The following KREMEN2 variants were observed in gnomAD, a reference collection of about 807,000 sequenced individuals.
KREMEN2 encodes the protein kringle containing transmembrane protein 2.
KREMEN2 carries 43 observed loss-of-function variants against 49.8 expected under a neutral mutation model. The ratio of observed to expected loss-of-function variants is 0.86; its 90% CI spans 0.68 to 1.11. The LOEUF is 1.11. KREMEN2 is among the 50% of genes most tolerant of loss of function. The pLI, the probability that KREMEN2 is intolerant of heterozygous loss-of-function variation, is 0.00. For missense variants in KREMEN2, 686 were observed against 665.7 expected, an observed-to-expected ratio of 1.03 and a Z score of -0.34; for synonymous variants, 355 against 304.9, an observed-to-expected ratio of 1.16 and a Z score of -1.71.
Position 2,967,343 on chromosome 16 carries a change from C to A in KREMEN2, c.997C>A (p.Pro333Thr), listed in dbSNP as rs1030925855. The A allele has an allele frequency of 7.1e-6, 10 of 1,407,822 alleles. No homozygotes were observed. Among genetic ancestry groups the A allele is most frequent in the African/African-American group, 1.5e-5 (1 of 65,848 alleles). 87.2% of individuals were successfully genotyped at this position (1,407,822 alleles called of 1,614,324 possible). A position where few individuals can be genotyped will look rare whatever the true frequency, so the allele number is the denominator to read the frequency against. The change falls in exon 7 of 9, where the codon CCA becomes ACA. Residue 333 changes from proline (P) to threonine (T), a missense_variant. Pro to Thr is a conservative substitution (Grantham distance 38). Coordinates refer to ENST00000303746, the MANE Select transcript of KREMEN2 (RefSeq NM_172229.3). ...AGGGCTGCAGGACGCCGCTGAGGACCCAGAGGCCCCCGAGGGCTCGGCCCA... is the reference window on the plus strand; with the variant it reads ...AGGGCTGCAGGACGCCGCTGAGGACACAGAGGCCCCCGAGGGCTCGGCCCA... ...YRGLQDAAED[P>T]EAPEGSAQTP...
chr16:2,968,146 C>T lies in KREMEN2; in HGVS notation c.*126C>T. The T allele has an allele frequency of 9.2e-7, 1 of 1,090,208 alleles. No homozygotes were observed. The highest frequency in any genetic ancestry group is 1.3e-6 in the Non-Finnish European group (1 of 747,312). 67.5% of individuals were successfully genotyped at this position (1,090,208 alleles called of 1,614,324 possible). ...TCGGCCTCTGGTCGCCTTGGGGAGA[C>T]CAAAAGTCGGACAGGAAACATCTGG... On this transcript the variant is annotated 3_prime_UTR_variant, in exon 9 of 9. Transcript: ENST00000303746.
Position 2,967,998 on chromosome 16 carries a change from G to A in KREMEN2, c.1367G>A (p.Arg456His), listed in dbSNP as rs1225382987. 2 of 1,569,718 alleles carry A rather than the reference G, an allele frequency of 1.3e-6. No individual in the cohort carries two copies. Among genetic ancestry groups the A allele is most frequent in the Non-Finnish European group, 1.7e-6 (2 of 1,164,086 alleles). The change falls in exon 9 of 9, where the codon CGC becomes CAC. Residue 456 changes from arginine to histidine, a missense_variant. Physicochemically the swap from Arg to His is conservative, Grantham distance 29. Coordinates refer to ENST00000303746, the MANE Select transcript of KREMEN2 (RefSeq NM_172229.3). ...PLSASSQSSL[R>H]SLISAL ...AGTGCCTCCAGCCAGAGCTCCCTGCGCTCGCTCATCTCCGCTCTCTGACTC... is the reference window on the plus strand; with the variant it reads ...AGTGCCTCCAGCCAGAGCTCCCTGCACTCGCTCATCTCCGCTCTCTGACTC...
In KREMEN2 at chr16:2,967,105, C is replaced by A; in HGVS notation, c.836C>A (p.Ser279Ter). 1.4e-6 allele frequency: 2 copies of A among 1,470,026 alleles called. No individual in the cohort carries two copies. The highest frequency in any genetic ancestry group is 1.3e-5 in the South Asian group (1 of 75,646). The allele number at this position is 1,470,026 out of a possible 1,614,324, so 91.1% of individuals were successfully genotyped here. The change falls in exon 6 of 9, where the codon TCG (serine) becomes TAG (stop). Residue 279 changes from serine to a stop codon, truncating the protein, a stop_gained. Coordinates refer to ENST00000303746, the MANE Select transcript of KREMEN2 (RefSeq NM_172229.3). LOFTEE classifies it high-confidence loss of function. ...RDRLELRDAA[S>*]GSLLRAFDGA... ...CGGCTGGAGCTGCGCGACGCGGCTT[C>A]GGGCAGCCTGCTCCGCGCCTTCGAT...
rs992339098 is a variant in KREMEN2, at chr16:2,968,039, C to G, written c.*19C>G. ...TCTCTGACTCTGGGCCCCGAGGGTC[C>G]GCTGGGCCCGCCGCCGGCGAGATGG... On this transcript the variant is annotated 3_prime_UTR_variant, in exon 9 of 9. Transcript: ENST00000303746. 6 of 1,535,896 alleles carry G rather than the reference C, an allele frequency of 3.9e-6. No homozygotes were observed. In the African/African-American group the frequency reaches 8.2e-5, roughly 21 times the overall value.
chr16:2,967,953 C>A lies in KREMEN2; in HGVS notation c.1322C>A (p.Ala441Asp). The change falls in exon 9 of 9, where the codon GCC becomes GAC. Residue 441 changes from alanine (A) to aspartate (D), a missense_variant. Physicochemically the swap from Ala to Asp is moderately radical, Grantham distance 126. Coordinates refer to ENST00000303746, the MANE Select transcript of KREMEN2 (RefSeq NM_172229.3). ...SPGDPQAEGS[A>D]AGYRPLSASS... is the part of the protein sequence containing the mutation. ...GGGGACCCCCAGGCTGAGGGTTCTG[C>A]CGCGGGCTACCGGCCTCTGAGTGCC... The A allele has an allele frequency of 6.3e-6, 10 of 1,584,900 alleles. No homozygotes were observed. The highest frequency in any genetic ancestry group is 8.6e-6 in the Non-Finnish European group (10 of 1,168,838).
rs2071857782 is a variant in KREMEN2, at chr16:2,967,577, T to G, written c.1151T>G (p.Leu384Arg). 1 of 1,529,082 alleles carries G rather than the reference T, an allele frequency of 6.5e-7. No homozygotes were observed. The highest frequency in any genetic ancestry group is 8.7e-7 in the Non-Finnish European group (1 of 1,143,962). The allele number at this position is 1,529,082 out of a possible 1,614,324, so 94.7% of individuals were successfully genotyped here. A position where few individuals can be genotyped will look rare whatever the true frequency, so the allele number is the denominator to read the frequency against. ...TAVSVLLLLLLGLLRPLRRRS... is the reference protein window; with the variant it reads ...TAVSVLLLLLRGLLRPLRRRS... ...GTCTCGGTGCTGCTGCTGCTGCTCCTGGGGCTGCTGCGTCCGCTGCGCCGA... is the reference window on the plus strand; with the variant it reads ...GTCTCGGTGCTGCTGCTGCTGCTCCGGGGGCTGCTGCGTCCGCTGCGCCGA... The change falls in exon 8 of 9, where the codon CTG becomes CGG. Residue 384 changes from leucine to arginine, a missense_variant. By Grantham distance (102) the Leu-to-Arg change is moderately radical. Transcript: ENST00000303746.
chr16:2,964,631 C>A lies in KREMEN2; in HGVS notation c.94+17C>A, dbSNP rs760247387. ...ACAGTCCAGGTAAGTCCCCGCACGGCTGTCGGGCCGTGTTCACCACCCCTT... is the reference window on the plus strand; with the variant it reads ...ACAGTCCAGGTAAGTCCCCGCACGGATGTCGGGCCGTGTTCACCACCCCTT... On this transcript the variant is annotated intron_variant, in intron 1 of 8. Coordinates refer to ENST00000303746, the MANE Select transcript of KREMEN2 (RefSeq NM_172229.3). The A allele has an allele frequency of 1.9e-6, 3 of 1,566,240 alleles. No individual in the cohort carries two copies. The highest frequency in any genetic ancestry group is 1.2e-5 in the South Asian group (1 of 84,990).
In KREMEN2 at chr16:2,967,868, A is replaced by C; in HGVS notation, c.1237A>C (p.Arg413=). 4 of 1,554,048 alleles carry C rather than the reference A, an allele frequency of 2.6e-6. No individual in the cohort carries two copies. In the South Asian group the frequency reaches 4.7e-5, roughly 18 times the overall value. The part of the protein sequence containing the change: ...PPALGASRGP[R]RSWAVWYQQP... Reference sequence around the variant, plus strand: ...GGCGCTGGGGGCTTCCAGGGGCCCCAGGAGAAGCTGGGCTGTGTGGTACCA... The same window carrying C: ...GGCGCTGGGGGCTTCCAGGGGCCCCCGGAGAAGCTGGGCTGTGTGGTACCA... Residue 413 remains arginine (R), a synonymous_variant, in exon 9 of 9, where the codon AGG becomes CGG. Transcript: ENST00000303746.
At chr16:2,965,786 A>AAAAAAAGG (rs2071805683) in intron 2 of KREMEN2, among the ~76,000 whole-genome samples, 1 of 146,752 alleles carries the variant, frequency 6.8e-6, no homozygotes, top group African/African-American at 2.5e-5. Flanking sequence ...AAAAAAAAAA[A>AAAAAAAGG]GTGGGGTTTG....
Position 2,966,192 on chromosome 16 carries a change from G to T in KREMEN2, c.322G>T (p.Gly108Cys). 6.2e-7 allele frequency: 1 copy of T among 1,612,854 alleles called. No homozygotes were observed. Among genetic ancestry groups the T allele is most frequent in the Non-Finnish European group, 8.5e-7 (1 of 1,179,996 alleles). ...GTGCTACGTGGCTGAGACAGAGGAGGGCATCTACTGGCGCTACTGCGACAT... is the reference window on the plus strand; with the variant it reads ...GTGCTACGTGGCTGAGACAGAGGAGTGCATCTACTGGCGCTACTGCGACAT... ...PWCYVAETEEGIYWRYCDIPS... is the reference protein window; with the variant it reads ...PWCYVAETEECIYWRYCDIPS... The change falls in exon 3 of 9, where the codon GGC becomes TGC. Residue 108 changes from glycine to cysteine, a missense_variant. Transcript: ENST00000303746. This position sits in a 1 kb window ranked among gnomAD's most constrained non-coding sequence, Gnocchi z 8.4.
chr16:2,964,649 C>A, intron 1 of KREMEN2, 35 bp downstream of exon 1: 1 of 1,530,870 alleles, frequency 6.5e-7, no homozygotes, highest in Non-Finnish European at 8.9e-7. Flanking sequence ...CCGTGTTCAC[C>A]ACCCCTTCCT....
Position 2,964,920 on chromosome 16 carries a change from C to A in KREMEN2, c.156C>A (p.Gly52=). 6.2e-7 allele frequency: 1 copy of A among 1,606,524 alleles called. No individual in the cohort carries two copies. The highest frequency in any genetic ancestry group is 8.5e-7 in the Non-Finnish European group (1 of 1,177,062). The change falls in exon 2 of 9, where the codon GGC becomes GGA. Residue 52 remains glycine, a synonymous_variant. Transcript: ENST00000303746. ...ACCGCGGCCACCAGAACCGCACTGG[C>A]CCGCGCGGGGCGGGCCGCCCGTGCC... The part of the protein sequence containing the change: ...ADYRGHQNRT[G]PRGAGRPCLF...
rs1368561437 is a variant in KREMEN2 at position 2,966,782 on chromosome 16, G to C, written c.627G>C (p.Leu209=). Residue 209 remains leucine (L), a synonymous_variant, in exon 5 of 9, where the codon CTG becomes CTC. Coordinates refer to ENST00000303746, the MANE Select transcript of KREMEN2 (RefSeq NM_172229.3). This position sits in a 1 kb window ranked among gnomAD's most constrained non-coding sequence, Gnocchi z 8.4. ...PGQLCGGDGR[L]GVYEVSVGSC... is the part of the protein sequence containing the mutation. The stretch of plus-strand genomic sequence containing the variant: ...AGCTGTGTGGCGGCGATGGGCGGCT[G>C]GGCGTCTATGAAGGTGAGGAGTGGG... The C allele has an allele frequency of 3.1e-6, 5 of 1,611,098 alleles. No homozygotes were observed. In the Admixed American group the frequency reaches 8.3e-5, roughly 27 times the overall value.
At position 2,968,245 on chromosome 16, in the gene KREMEN2, G is replaced by A; in HGVS notation, c.*225G>A. The A allele has an allele frequency of 1.0e-6, 1 of 978,828 alleles. No individual in the cohort carries two copies. Among genetic ancestry groups the A allele is most frequent in the Non-Finnish European group, 1.5e-6 (1 of 653,732 alleles). The allele number at this position is 978,828 out of a possible 1,614,324, so 60.6% of individuals were successfully genotyped here. On this transcript the variant is annotated 3_prime_UTR_variant, in exon 9 of 9. Coordinates refer to ENST00000303746, the MANE Select transcript of KREMEN2 (RefSeq NM_172229.3). ...GCCCTCTCCATGGACCTGTATGTGG[G>A]GGTGGTCTCTGGTTTCGGAGGTCTT... is the stretch of plus-strand genomic sequence containing the variant.
At chr16:2,965,572 C>G (rs929185165) in intron 2 of KREMEN2, among the ~76,000 whole-genome samples, 1 of 152,136 alleles carries the variant, frequency 6.6e-6, no homozygotes, top group African/African-American at 2.4e-5. Context: ...GAGTTCGAGA[C>G]CAGCCTGGCT....
chr16:2,967,289 T>G, intron 6 of KREMEN2, 31 bp from the exon 7 acceptor site: 1 of 1,355,758 alleles, frequency 7.4e-7, no homozygotes, highest in South Asian at 1.8e-5. Flanking sequence ...CACCCCGCTC[T>G]CCCCACCCCG....
Position 2,964,946 on chromosome 16 carries a change from T to C in KREMEN2, c.182T>C (p.Leu61Pro). 1 of 1,593,336 alleles carries C rather than the reference T, an allele frequency of 6.3e-7. No individual in the cohort carries two copies. Among genetic ancestry groups the C allele is most frequent in the East Asian group, 2.3e-5 (1 of 43,728 alleles). Residue 61 changes from leucine (L) to proline (P), a missense_variant, in exon 2 of 9, where the codon CTC becomes CCC. By Grantham distance (98) the Leu-to-Pro change is moderately conservative. Coordinates refer to ENST00000303746, the MANE Select transcript of KREMEN2 (RefSeq NM_172229.3). ...CCGCGCGGGGCGGGCCGCCCGTGCC[T>C]CTTCTGGGACCAGACGCAGCAACAC... ...TGPRGAGRPC[L>P]FWDQTQQHSY...
intron 2 of KREMEN2, among the ~76,000 whole-genome samples, chr16:2,965,910 C>G (rs373037831): frequency 1.3e-5 from 2 of 152,226 alleles, no homozygotes; most frequent in Non-Finnish European, 2.9e-5. Flanking sequence ...AAACAGCTCT[C>G]AAGTCCCCTT....
chr16:2,964,703 G>A (rs2071783180), intron 1 of KREMEN2, 89 bp downstream of exon 1: 2 of 1,403,584 alleles, frequency 1.4e-6, no homozygotes, highest in African/African-American at 2.9e-5. Context: ...TAGGGAGGGG[G>A]ACAGAGCAGG....
Sources: gnomAD v4.1 joint callset for allele counts (sites outside exome capture counted in the v4.1 genomes callset) on GRCh38, gnomAD v4.1.1 for gene constraint, Gnocchi (gnomAD v3.1) non-coding constraint, MANE v1.5 for transcripts, NCBI Gene and HGNC (gene_info 2026-07-23, HGNC 2026-07-21) for gene names.